FYB1: variants seen among roughly 807,000 people sequenced by gnomAD.
FYB1 encodes FYN binding protein 1.
FYB1 carries 41 observed loss-of-function variants against 94.1 expected under a neutral mutation model. That is an observed-to-expected ratio of 0.44 (90% CI 0.34 to 0.57). The LOEUF is 0.57. Ranked by LOEUF, FYB1 falls within the 20% of genes least tolerant of loss-of-function variation. The pLI, the probability that FYB1 is intolerant of heterozygous loss-of-function variation, is 0.02. For missense variants in FYB1, 1,050 were observed against 976.8 expected, an observed-to-expected ratio of 1.07 and a Z score of -1.00; for synonymous variants, 367 against 353.2, an observed-to-expected ratio of 1.04 and a Z score of -0.44.
At chr5:39,247,098 A>ATG (rs1751512408) in intron 1 of FYB1, among the ~76,000 whole-genome samples, 1 of 141,718 alleles carries the variant, frequency 7.1e-6, no homozygotes, top group Non-Finnish European at 1.5e-5. Flanking sequence ...ATATATATAT[A>ATG]TATATATATA....
chr5:39,112,398 C>T (rs1370382449), intron 16 of FYB1, among the ~76,000 whole-genome samples: 2 of 152,066 alleles, frequency 1.3e-5, no homozygotes, highest in East Asian at 1.9e-4. Context: ...GCTTTCAACA[C>T]TGAAGTCAAT....
chr5:39,273,298 A>G (rs1022892466), intron 1 of FYB1, among the ~76,000 whole-genome samples: 1 of 152,212 alleles, frequency 6.6e-6, no homozygotes, highest in Non-Finnish European at 1.5e-5. Context: ...TTCTGTACTA[A>G]GAAAAATTCT....
At chr5:39,186,260 C>T (rs889308034) in intron 2 of FYB1, among the ~76,000 whole-genome samples, 2 of 152,142 alleles carry the variant, frequency 1.3e-5, no homozygotes, top group African/African-American at 4.8e-5. Context: ...CCCGTCTCTA[C>T]TAAAAATACA....
upstream of FYB1, among the ~76,000 whole-genome samples, chr5:39,223,873 T>C (rs967991381): frequency 9.9e-5 from 15 of 152,124 alleles, no homozygotes; most frequent in Admixed American, 2.0e-4. Flanking sequence ...AGAATTTCTG[T>C]CTTTATACCC....
At chr5:39,223,653 C>T (rs773689958), upstream of FYB1, among the ~76,000 whole-genome samples, 1 of 152,110 alleles carries the variant, frequency 6.6e-6, no homozygotes, top group Non-Finnish European at 1.5e-5. Context: ...TAATTCTAAG[C>T]AAATGATGAA....
chr5:39,116,454 C>T (rs186899140), intron 16 of FYB1, among the ~76,000 whole-genome samples: 10 of 152,220 alleles, frequency 6.6e-5, no homozygotes, highest in East Asian at 3.9e-4. Flanking sequence ...CAGAAGTTTA[C>T]GAAACATTTT....
chr5:39,127,091 T>C (rs1327996345), intron 11 of FYB1, among the ~76,000 whole-genome samples: 3 of 150,038 alleles, frequency 2.0e-5, no homozygotes, highest in Non-Finnish European at 4.4e-5. Context: ...AAAGAAATCT[T>C]AAACTTTTAA....
intron 13 of FYB1, among the ~76,000 whole-genome samples, chr5:39,122,677 A>G (rs1740240147): frequency 6.6e-6 from 1 of 152,150 alleles, no homozygotes; most frequent in South Asian, 2.1e-4. Flanking sequence ...GACTATGATT[A>G]TCTGAAGATC....
At chr5:39,141,209 A>G in intron 3 of FYB1, 68 bp from the exon 4 acceptor site, 2 of 1,035,724 alleles carry the variant, frequency 1.9e-6, no homozygotes, top group Admixed American at 2.3e-5. Context: ...TGAAAAAGGG[A>G]AAAGGATTAT....
At chr5:39,154,659 A>C (rs1331503732) in intron 2 of FYB1, among the ~76,000 whole-genome samples, 3 of 152,026 alleles carry the variant, frequency 2.0e-5, no homozygotes, top group Non-Finnish European at 4.4e-5. Flanking sequence ...GGTGCCTGCC[A>C]CCATGCCCAG....
intron 1 of FYB1, among the ~76,000 whole-genome samples, chr5:39,258,654 G>A (rs1203601583): frequency 6.6e-6 from 1 of 152,018 alleles, no homozygotes; most frequent in Non-Finnish European, 1.5e-5. Context: ...CAGAAGATAT[G>A]GAGCTAAAGG....
chr5:39,189,949 C>A (rs1243945082), intron 2 of FYB1, among the ~76,000 whole-genome samples: 1 of 152,230 alleles, frequency 6.6e-6, no homozygotes, highest in East Asian at 1.9e-4. Context: ...GAGCCGGAAG[C>A]TAGAAGTGAC....
At chr5:39,178,258 A>G (rs1745910725) in intron 2 of FYB1, among the ~76,000 whole-genome samples, 1 of 152,160 alleles carries the variant, frequency 6.6e-6, no homozygotes, top group African/African-American at 2.4e-5. Context: ...TTAACCCAAG[A>G]TTTTCTGAAT....
At chr5:39,270,686 G>A in intron 1 of FYB1, 1 of 998,278 alleles carries the variant, frequency 1.0e-6, no homozygotes, top group Non-Finnish European at 1.5e-6. Context: ...TGAGCTGTGT[G>A]GTCTGTCCAG....
In FYB1 at chr5:39,250,417, C is replaced by T. The variant is rs2150608989; in HGVS notation, c.-28+23986G>A. On this transcript the variant is annotated intron_variant, in intron 1 of 1. Coordinates refer to the FYB1 transcript ENST00000510188. ...AAATCGAGGAAAGACTATCAAATGC[C>T]ATCAACATGTTTAACAAGATTCCAC... 1.3e-5 allele frequency among the ~76,000 whole-genome samples: 2 copies of T among 152,284 alleles called. 1 individual carries two copies. Among genetic ancestry groups the T allele is most frequent in the Middle Eastern group, 6.8e-3 (2 of 294 alleles).
At position 39,236,421 on chromosome 5, in the gene FYB1, T is replaced by G. The variant is rs148789654; in HGVS notation, c.-27-33434A>C. 4.6e-5 allele frequency among the ~76,000 whole-genome samples: 7 copies of G among 152,190 alleles called. No individual in the cohort carries two copies. The South Asian group carries it at 1.2e-3, about 27-fold the overall frequency. ...GAAGTGAAAGCAAATGCAGAAAATA[T>G]AGGCCATTAATGTAGATCCAATTTC... On this transcript the variant is annotated intron_variant, in intron 1 of 1. Coordinates refer to the FYB1 transcript ENST00000510188.
At chr5:39,126,985 G>C (rs1740727347) in intron 11 of FYB1, among the ~76,000 whole-genome samples, 1 of 147,816 alleles carries the variant, frequency 6.8e-6, no homozygotes, top group Admixed American at 6.8e-5. Flanking sequence ...TTGAACCTGG[G>C]AGGCAGAGAT....
At chr5:39,178,351 A>T (rs1745917782) in intron 2 of FYB1, among the ~76,000 whole-genome samples, 1 of 152,230 alleles carries the variant, frequency 6.6e-6, no homozygotes, top group South Asian at 2.1e-4. Context: ...ATGAGATTAC[A>T]GTAGCGTTTA....
At chr5:39,243,033 G>C (rs1159448972) in intron 1 of FYB1, among the ~76,000 whole-genome samples, 1 of 152,172 alleles carries the variant, frequency 6.6e-6, no homozygotes, top group Non-Finnish European at 1.5e-5. Context: ...GTAGATTCTG[G>C]ATATTAGCCC....
Sources: allele counts gnomAD v4.1 joint callset (sites outside exome capture counted in the v4.1 genomes callset), GRCh38; gene constraint gnomAD v4.1.1; transcripts MANE v1.5; gene names NCBI Gene and HGNC (gene_info 2026-07-23, HGNC 2026-07-21).